The following NSUN6 variants were observed in gnomAD, a reference collection of about 807,000 sequenced individuals.
NSUN6 encodes the protein tRNA (cytosine(72)-C(5))-methyltransferase NSUN6.
A neutral mutation model predicts 58.0 loss-of-function variants in NSUN6; 64 were observed. The observed-to-expected ratio is 1.10, with a 90% CI of 0.90 to 1.36. The LOEUF is 1.36. Among genes scored for constraint, NSUN6 ranks in the 40% most tolerant of loss-of-function variants. The pLI is 0.00. For missense variants in NSUN6, 701 were observed against 550.1 expected (o/e 1.27, Z -2.74); for synonymous variants, 231 against 193.9 (o/e 1.19, Z -1.59).
At chr10:18,653,913 G>A (rs1485869994), upstream of NSUN6, among the ~76,000 whole-genome samples, 3 of 152,136 alleles carry the variant, frequency 2.0e-5, no homozygotes, top group African/African-American at 4.8e-5. Flanking sequence ...AACTCAGGGA[G>A]GACTGAAACA....
upstream of NSUN6, chr10:18,653,317 C>T (rs1336134953): frequency 2.0e-6 from 2 of 982,456 alleles, no homozygotes; most frequent in Non-Finnish European, 2.4e-6. Flanking sequence ...GCTGATAAAG[C>T]ATTTGCCAGA....
intron 8 of NSUN6, among the ~76,000 whole-genome samples, chr10:18,568,185 C>A (rs960681130): frequency 6.6e-6 from 1 of 151,036 alleles, no homozygotes; most frequent in Admixed American, 6.6e-5. Flanking sequence ...CTATTCCATT[C>A]TCCATTCCAC....
intron 6 of NSUN6, among the ~76,000 whole-genome samples, chr10:18,603,720 G>C (rs776591903): frequency 1.3e-5 from 2 of 151,788 alleles, no homozygotes; most frequent in Admixed American, 6.6e-5. Context: ...CAGGTGATCC[G>C]CCCACCTCAG....
chr10:18,652,196 G>C (rs1433871399), upstream of NSUN6: 3 of 984,840 alleles, frequency 3.0e-6, no homozygotes, highest in Admixed American at 6.2e-5. Flanking sequence ...ATTCTTTAGA[G>C]TTTGGAAGAC....
In NSUN6 at chr10:18,545,849, G is replaced by T; in HGVS notation, c.*84C>A. 3 of 742,768 alleles carry T rather than the reference G, an allele frequency of 4.0e-6. No individual in the cohort carries two copies. Among genetic ancestry groups the T allele is most frequent in the Non-Finnish European group, 6.6e-6 (3 of 451,310 alleles). 46.0% of individuals were successfully genotyped at this position (742,768 alleles called of 1,614,324 possible). On this transcript the variant is annotated 3_prime_UTR_variant, in exon 11 of 11. Coordinates refer to ENST00000377304, the MANE Select transcript of NSUN6 (RefSeq NM_182543.5). Reference sequence around the variant, plus strand: ...ATAGCAACCACATCATCATTCAGTTGGCCTGACAACACTTTGGTTAAAAAA... The same window carrying T: ...ATAGCAACCACATCATCATTCAGTTTGCCTGACAACACTTTGGTTAAAAAA...
At chr10:18,636,026 TAACA>T (rs2059203252) in intron 3 of NSUN6, among the ~76,000 whole-genome samples, 1 of 151,338 alleles carries the variant, frequency 6.6e-6, no homozygotes, top group South Asian at 2.1e-4. Context: ...TTCTTCACAA[TAACA>T]TTTGATACCA....
intron 8 of NSUN6, among the ~76,000 whole-genome samples, chr10:18,567,321 C>T (rs1381980063): frequency 2.0e-5 from 3 of 150,660 alleles, no homozygotes; most frequent in East Asian, 3.9e-4. Flanking sequence ...ATTCTATTCA[C>T]CAATGCATTC....
chr10:18,619,627 T>A (rs2058530314), intron 3 of NSUN6, among the ~76,000 whole-genome samples: 1 of 152,212 alleles, frequency 6.6e-6, no homozygotes, highest in Non-Finnish European at 1.5e-5. Flanking sequence ...ACTATGTTCT[T>A]TTTTACTTAG....
rs371462758 is a variant in NSUN6, at chr10:18,570,223, T to G, written c.922+15726A>C. ...CTCCATTCATGTCCATCCCATTCCA[T>G]TGCATTCTATTCTCCATTCCATTCC... is the stretch of plus-strand genomic sequence containing the variant. On this transcript the variant is annotated intron_variant, in intron 8 of 10. Transcript: ENST00000377304. Among the ~76,000 whole-genome samples the G allele has an allele frequency of 9.3e-5, 14 of 151,140 alleles. No homozygotes were observed. The East Asian group carries it at 1.4e-3, about 15-fold the overall frequency.
intron 8 of NSUN6, among the ~76,000 whole-genome samples, chr10:18,563,071 G>A (rs558601054): frequency 6.3e-4 from 94 of 150,400 alleles, no homozygotes; most frequent in Non-Finnish European, 9.6e-4. Flanking sequence ...GGAATGGAAT[G>A]GAACAGAGAA....
At chr10:18,577,755 T>C (rs895640315) in intron 8 of NSUN6, among the ~76,000 whole-genome samples, 2 of 152,224 alleles carry the variant, frequency 1.3e-5, no homozygotes, top group African/African-American at 4.8e-5. Context: ...CCAACCTTTA[T>C]CGATCACCTG....
In NSUN6 at chr10:18,566,763, C is replaced by T. The variant is rs928352459; in HGVS notation, c.923-14792G>A. Reference sequence around the variant, plus strand: ...GCTCCATTCCATTCGATGCTCCATTCGATTCTGCATTCCATTCCATTACCC... The same window carrying T: ...GCTCCATTCCATTCGATGCTCCATTTGATTCTGCATTCCATTCCATTACCC... On this transcript the variant is annotated intron_variant, in intron 8 of 10. Coordinates refer to ENST00000377304, the MANE Select transcript of NSUN6 (RefSeq NM_182543.5). Among the ~76,000 whole-genome samples the T allele has an allele frequency of 3.0e-4, 46 of 151,024 alleles. 1 individual carries two copies. The highest frequency in any genetic ancestry group is 3.1e-4 in the Non-Finnish European group (21 of 67,378).
intron 8 of NSUN6, among the ~76,000 whole-genome samples, chr10:18,562,664 G>A (rs1189834810): frequency 2.9e-5 from 4 of 136,984 alleles, no homozygotes; most frequent in Non-Finnish European, 6.1e-5. Flanking sequence ...AAGGGAATGG[G>A]AAGGAGAATG....
chr10:18,572,748 A>G (rs2056441317), intron 8 of NSUN6, among the ~76,000 whole-genome samples: 1 of 128,228 alleles, frequency 7.8e-6, no homozygotes, highest in South Asian at 2.4e-4. Flanking sequence ...TTTCAATTTC[A>G]TTCTCCATTC....
At chr10:18,560,064 AAATGGAATGG>A (rs1170719165) in intron 8 of NSUN6, among the ~76,000 whole-genome samples, 235 of 94,364 alleles carry the variant, frequency 2.5e-3, no homozygotes, top group African/African-American at 9.5e-3. Context: ...ATGAAATGGA[AAATGGAATGG>A]AATGGAATGG....
intron 5 of NSUN6, among the ~76,000 whole-genome samples, chr10:18,614,156 T>G (rs951400724): frequency 5.3e-5 from 8 of 152,046 alleles, no homozygotes; most frequent in Non-Finnish European, 1.0e-4. Context: ...TAATTCTTTC[T>G]CCATCATAAT....
At chr10:18,578,896 T>A (rs965176340) in intron 8 of NSUN6, among the ~76,000 whole-genome samples, 1 of 152,208 alleles carries the variant, frequency 6.6e-6, no homozygotes, top group African/African-American at 2.4e-5. Flanking sequence ...AGGACACATC[T>A]GTAAATGGTG....
chr10:18,550,637 T>C (rs890705422), intron 9 of NSUN6, among the ~76,000 whole-genome samples: 4 of 152,134 alleles, frequency 2.6e-5, no homozygotes, highest in Admixed American at 2.0e-4. Flanking sequence ...GGTTCTCCTA[T>C]ATCCTACGCT....
rs376427497 is a variant in NSUN6 at position 18,631,891 on chromosome 10, G to T, written c.311+10585C>A. Among the ~76,000 whole-genome samples the T allele has an allele frequency of 2.1e-3, 318 of 152,190 alleles. 2 individuals are homozygous for T. Among genetic ancestry groups the T allele is most frequent in the African/African-American group, 7.2e-3 (300 of 41,540 alleles). ...GCTACCAATGACTTTCTTCACAGAA[G>T]TGGAAAAAACTACTTTAAAGTTCAT... On this transcript the variant is annotated intron_variant, in intron 3 of 10. Coordinates refer to ENST00000377304, the MANE Select transcript of NSUN6 (RefSeq NM_182543.5).
Sources: allele counts gnomAD v4.1 joint callset (sites outside exome capture counted in the v4.1 genomes callset), GRCh38; gene constraint gnomAD v4.1.1; transcripts MANE v1.5; gene names NCBI Gene and HGNC (gene_info 2026-07-23, HGNC 2026-07-21).